WDR7: variants seen among roughly 807,000 people sequenced by gnomAD.
WDR7 encodes the protein WD repeat-containing protein 7.
WDR7 carries 46 observed loss-of-function variants against 169.4 expected under a neutral mutation model. The ratio of observed to expected loss-of-function variants is 0.27; its 90% CI spans 0.21 to 0.35. The LOEUF (loss-of-function observed/expected upper bound fraction) is 0.35, where lower values mean the gene tolerates loss of function less well. Among genes scored for constraint, WDR7 ranks in the 10% least tolerant of loss-of-function variants. WDR7 has a pLI of 1.00. For missense variants in WDR7, 1,534 were observed against 1,859.3 expected, an observed-to-expected ratio of 0.83 and a Z score of 3.22; for synonymous variants, 612 against 666.8, an observed-to-expected ratio of 0.92 and a Z score of 1.27.
intron 19 of WDR7, among the ~76,000 whole-genome samples, chr18:56,790,797 C>T (rs929022270): frequency 3.3e-5 from 5 of 152,002 alleles, no homozygotes; most frequent in South Asian, 2.1e-4. Context: ...ATGGTTTCAT[C>T]GTGCATGACA....
At chr18:56,825,890 A>G (rs1017395683) in intron 20 of WDR7, among the ~76,000 whole-genome samples, 1 of 152,224 alleles carries the variant, frequency 6.6e-6, no homozygotes, top group African/African-American at 2.4e-5. Context: ...GTGTTCATAT[A>G]AAACCACACA....
chr18:56,920,140 T>A (rs1214018081), intron 21 of WDR7, among the ~76,000 whole-genome samples: 4 of 152,162 alleles, frequency 2.6e-5, no homozygotes, highest in African/African-American at 9.6e-5. Context: ...CCCTTGATCT[T>A]GCCATGTTCC....
intron 14 of WDR7, among the ~76,000 whole-genome samples, chr18:56,755,654 C>G (rs2043874025): frequency 6.6e-6 from 1 of 152,176 alleles, no homozygotes; most frequent in South Asian, 2.1e-4. Flanking sequence ...AGGATTGAAA[C>G]TCCTTTAGGA....
chr18:56,845,439 A>G (rs1432579992), intron 20 of WDR7, among the ~76,000 whole-genome samples: 1 of 152,152 alleles, frequency 6.6e-6, no homozygotes, highest in Non-Finnish European at 1.5e-5. Flanking sequence ...TATAAAAAGT[A>G]AATGAGTAAT....
intron 26 of WDR7, among the ~76,000 whole-genome samples, chr18:56,976,722 C>T (rs1456983438): frequency 6.6e-6 from 1 of 152,166 alleles, no homozygotes; most frequent in Non-Finnish European, 1.5e-5. Context: ...TAAGAAAACC[C>T]CTTTCTCTTG....
intron 11 of WDR7, 129 bp downstream of exon 11, chr18:56,695,327 GT>G: frequency 8.6e-7 from 1 of 1,159,068 alleles, no homozygotes; most frequent in Non-Finnish European, 1.2e-6. Flanking sequence ...GTGCTATGTA[GT>G]TGGTAGAGTT....
At chr18:56,757,430 CTT>C (rs2043910900) in intron 15 of WDR7, 78 bp downstream of exon 15, 2 of 1,377,422 alleles carry the variant, frequency 1.5e-6, no homozygotes, top group Non-Finnish European at 1.9e-6. Flanking sequence ...GTTGATTACT[CTT>C]TTTTGGCTCT....
At chr18:56,790,941 G>A (rs1467179981) in intron 19 of WDR7, among the ~76,000 whole-genome samples, 1 of 152,020 alleles carries the variant, frequency 6.6e-6, no homozygotes, top group Non-Finnish European at 1.5e-5. Context: ...CCTGTTAAAT[G>A]CCAACCCAGT....
intron 26 of WDR7, among the ~76,000 whole-genome samples, chr18:56,964,791 C>T (rs1338338367): frequency 6.6e-6 from 1 of 152,158 alleles, no homozygotes; most frequent in East Asian, 1.9e-4. Context: ...TTACCTTCCA[C>T]TTCTGTATGA....
intron 20 of WDR7, among the ~76,000 whole-genome samples, chr18:56,843,219 G>C (rs951570477): frequency 2.2e-4 from 33 of 152,128 alleles, no homozygotes; most frequent in African/African-American, 8.0e-4. Flanking sequence ...AACTGTGAAA[G>C]TTTCTTTATT....
rs980995515 is a variant in WDR7 at position 57,020,933 on chromosome 18, C to T, written c.4269+84C>T. On this transcript the variant is annotated intron_variant, in intron 27 of 27. Transcript: ENST00000254442. ...AAGCCTTCCTGTTGAGCCTACCTGC[C>T]GGCCCTCCTTCCTGTCCTCCCTCCC... 3.6e-5 allele frequency: 45 copies of T among 1,247,988 alleles called. No homozygotes were observed. In the Admixed American group the frequency reaches 6.1e-4, roughly 17 times the overall value. 77.3% of individuals were successfully genotyped at this position (1,247,988 alleles called of 1,614,324 possible). A position where few individuals can be genotyped will look rare whatever the true frequency, so the allele number is the denominator to read the frequency against.
intron 13 of WDR7, among the ~76,000 whole-genome samples, chr18:56,721,880 G>A (rs1026069131): frequency 6.6e-6 from 1 of 152,088 alleles, no homozygotes; most frequent in Non-Finnish European, 1.5e-5. Context: ...TATTCCTTAT[G>A]TATAATTATT....
intron 12 of WDR7, among the ~76,000 whole-genome samples, chr18:56,700,473 T>A (rs2025803754): frequency 6.6e-6 from 1 of 151,708 alleles, no homozygotes; most frequent in African/African-American, 2.4e-5. Context: ...GCCAGGATGG[T>A]CTCGATCTCT....
Position 57,029,491 on chromosome 18 carries a change from A to G in WDR7, c.*2284A>G, listed in dbSNP as rs929957123. 6.6e-6 allele frequency: 1 copy of G among 152,180 alleles called. No homozygotes were observed. Among genetic ancestry groups the G allele is most frequent in the Non-Finnish European group, 1.5e-5 (1 of 68,024 alleles). 9.4% of individuals were successfully genotyped at this position (152,180 alleles called of 1,614,324 possible). A position where few individuals can be genotyped will look rare whatever the true frequency, so the allele number is the denominator to read the frequency against. ...TCCCAGCTTAGATTTCTCAGCACTG[A>G]GGTAAACTCTGCATTGTCATCCCAG... On this transcript the variant is annotated 3_prime_UTR_variant, in exon 28 of 28. Transcript: ENST00000254442.
At chr18:56,676,108 C>T (rs2025238287) in intron 2 of WDR7, among the ~76,000 whole-genome samples, 1 of 152,092 alleles carries the variant, frequency 6.6e-6, no homozygotes. Flanking sequence ...TGAATTGACT[C>T]CTTCATTATT....
Position 56,973,829 on chromosome 18 carries a change from G to T in WDR7, c.4164+11300G>T, listed in dbSNP as rs530393208. 2.3e-4 allele frequency among the ~76,000 whole-genome samples: 35 copies of T among 152,264 alleles called. 1 individual carries two copies. In the South Asian group the frequency reaches 6.2e-3, roughly 27 times the overall value. On this transcript the variant is annotated intron_variant, in intron 26 of 27. Transcript: ENST00000254442. ...GACCTCAAGTCTAGTAGAGGAAGAG[G>T]CACATACCTGGTACCATTAAAGCTC...
At chr18:57,019,105 G>A (rs772756902) in intron 26 of WDR7, among the ~76,000 whole-genome samples, 5 of 152,250 alleles carry the variant, frequency 3.3e-5, no homozygotes, top group South Asian at 2.1e-4. Flanking sequence ...GGTATGCTAC[G>A]TGATGGTGAT....
chr18:56,823,492 A>C (rs1219446542), intron 20 of WDR7, among the ~76,000 whole-genome samples: 2 of 152,202 alleles, frequency 1.3e-5, no homozygotes, highest in African/African-American at 4.8e-5. Flanking sequence ...AAGATGAGGC[A>C]GGAGAATCGC....
At chr18:56,769,419 G>A (rs1037694449) in intron 16 of WDR7, among the ~76,000 whole-genome samples, 7 of 152,076 alleles carry the variant, frequency 4.6e-5, no homozygotes, top group Non-Finnish European at 8.8e-5. Flanking sequence ...GGCTGGTTTC[G>A]AACTCCTGGG....
Sources: gnomAD v4.1 joint callset for allele counts (sites outside exome capture counted in the v4.1 genomes callset) on GRCh38, gnomAD v4.1.1 for gene constraint, MANE v1.5 for transcripts, NCBI Gene and HGNC (gene_info 2026-07-23, HGNC 2026-07-21) for gene names.